Variants in NUP155 observed in about 807,000 individuals in gnomAD.
NUP155 encodes the protein nucleoporin 155.
In NUP155, 71 loss-of-function variants were observed where a neutral mutation model predicts 180.4. The ratio of observed to expected loss-of-function variants is 0.39; its 90% confidence interval spans 0.33 to 0.48. The LOEUF is 0.48. Ranked by LOEUF, NUP155 falls within the 20% of genes least tolerant of loss-of-function variation. NUP155 has a pLI of 0.91. For synonymous variants in NUP155, 582 were observed against 559.5 expected (o/e 1.04, Z -0.57); for missense variants, 1,553 against 1,648.9 (o/e 0.94, Z 1.01).
chr5:37,354,783 A>G (rs1190230493), intron 4 of NUP155, among the ~76,000 whole-genome samples: 1 of 151,706 alleles, frequency 6.6e-6, no homozygotes, highest in African/African-American at 2.4e-5. Context: ...ATGCAAGTAA[A>G]TAAATAGTGT....
Position 37,288,879 on chromosome 5 carries a change from C to G in NUP155, c.*3021G>C, listed in dbSNP as rs1007097502. 2 of 149,850 alleles carry G rather than the reference C, an allele frequency of 1.3e-5. No homozygotes were observed. The highest frequency in any genetic ancestry group is 5.0e-5 in the African/African-American group (2 of 40,194). 9.3% of individuals were successfully genotyped at this position (149,850 alleles called of 1,614,324 possible). A position where few individuals can be genotyped will look rare whatever the true frequency, so the allele number is the denominator to read the frequency against. The stretch of plus-strand genomic sequence containing the variant: ...AGGAGTTCAAGACCAGCCTGACCAA[C>G]ACGGTGAAACCCCATCTCTACTAAA... On this transcript the variant is annotated 3_prime_UTR_variant, in exon 35 of 35. Transcript: ENST00000231498.
intron 4 of NUP155, among the ~76,000 whole-genome samples, chr5:37,353,312 A>C (rs1236960338): frequency 6.6e-6 from 1 of 152,058 alleles, no homozygotes; most frequent in East Asian, 1.9e-4. Context: ...AAAAGTAAGA[A>C]AGTTGGCCGG....
chr5:37,366,473 T>C (rs1747590967), intron 1 of NUP155, among the ~76,000 whole-genome samples: 3 of 152,142 alleles, frequency 2.0e-5, no homozygotes, highest in Admixed American at 1.3e-4. Context: ...GGAGTCTCGC[T>C]CTGACGCCAA....
chr5:37,352,540 AAAAACAAAAC>A (rs545112182), intron 5 of NUP155, among the ~76,000 whole-genome samples, 187 bp downstream of exon 5: 16 of 152,122 alleles, frequency 1.1e-4, no homozygotes, highest in East Asian at 5.8e-4. Context: ...ATCCGTCTCA[AAAAACAAAAC>A]AAAACAAAAC....
At chr5:37,369,696 G>C (rs938241306) in intron 1 of NUP155, among the ~76,000 whole-genome samples, 1 of 152,144 alleles carries the variant, frequency 6.6e-6, no homozygotes, top group East Asian at 1.9e-4. Flanking sequence ...TCATTTCTTT[G>C]ATTACAAAGC....
intron 8 of NUP155, among the ~76,000 whole-genome samples, chr5:37,348,936 A>C (rs1254941789): frequency 6.6e-6 from 1 of 151,964 alleles, no homozygotes; most frequent in African/African-American, 2.4e-5. Context: ...TTGTATTTTT[A>C]GTAGAGGCAG....
chr5:37,295,679 G>A (rs867891484), intron 32 of NUP155, among the ~76,000 whole-genome samples: 12 of 150,566 alleles, frequency 8.0e-5, no homozygotes, highest in South Asian at 6.4e-4. Flanking sequence ...CTGAGATGTG[G>A]GGAGCGCCTC....
chr5:37,328,534 CTT>C, intron 16 of NUP155, 114 bp from the exon 17 acceptor site: 1 of 749,534 alleles, frequency 1.3e-6, no homozygotes, highest in South Asian at 1.5e-5. Context: ...GGCAGGGTCT[CTT>C]TCTGTGGCCC....
At chr5:37,315,918 A>G (rs532232626) in intron 21 of NUP155, among the ~76,000 whole-genome samples, 19 of 152,284 alleles carry the variant, frequency 1.2e-4, no homozygotes, top group African/African-American at 4.6e-4. Flanking sequence ...CCAGCCTGGG[A>G]GACAAGAGTG....
chr5:37,324,238 A>G, intron 19 of NUP155, 131 bp from the exon 20 acceptor site: 1 of 689,340 alleles, frequency 1.5e-6, no homozygotes, highest in East Asian at 2.7e-5. Context: ...GTTGATCCGA[A>G]TAAAGTATAC....
intron 21 of NUP155, among the ~76,000 whole-genome samples, chr5:37,314,912 A>G (rs938437173): frequency 3.3e-5 from 5 of 151,834 alleles, no homozygotes; most frequent in Admixed American, 3.3e-4. Context: ...ACTTGGGACA[A>G]AAGTAAATGG....
At chr5:37,349,025 G>A (rs1746288449) in intron 8 of NUP155, 147 bp downstream of exon 8, 2 of 328,190 alleles carry the variant, frequency 6.1e-6, no homozygotes, top group South Asian at 1.0e-4. Context: ...CAAAGTGCTG[G>A]GATTACAGGC....
At chr5:37,338,850 CA>C (rs1173889216) in intron 11 of NUP155, among the ~76,000 whole-genome samples, 41 of 151,944 alleles carry the variant, frequency 2.7e-4, no homozygotes, top group African/African-American at 9.2e-4. Flanking sequence ...CACATTTTAG[CA>C]TTTCTGAACT....
chr5:37,329,391 G>C, intron 15 of NUP155, 113 bp from the exon 16 acceptor site: 1 of 773,440 alleles, frequency 1.3e-6, no homozygotes. Context: ...AAACATTAGA[G>C]ACTTCAATGT....
chr5:37,322,247 A>G (rs1744292350), intron 20 of NUP155, among the ~76,000 whole-genome samples: 1 of 152,150 alleles, frequency 6.6e-6, no homozygotes, highest in Admixed American at 6.5e-5. Flanking sequence ...TTGGCTTTCC[A>G]AAGTGTTGGG....
Position 37,336,097 on chromosome 5 carries a change from T to C in NUP155, c.1347+1721A>G, listed in dbSNP as rs148867704. Among the ~76,000 whole-genome samples, 203 of 152,304 alleles carry C rather than the reference T, an allele frequency of 1.3e-3. 5 individuals are homozygous for C. In the East Asian group the frequency reaches 0.036, roughly 27 times the overall value. On this transcript the variant is annotated intron_variant, in intron 12 of 34. Coordinates refer to ENST00000231498, the MANE Select transcript of NUP155 (RefSeq NM_153485.3). ...ATCAAAGCTCATACACTATACTTGA[T>C]GAGTTTTTTTGTTAAAAACAAAAGT...
At chr5:37,333,668 T>G in intron 12 of NUP155, 35 bp from the exon 13 acceptor site, 1 of 1,551,906 alleles carries the variant, frequency 6.4e-7, no homozygotes, top group Non-Finnish European at 8.8e-7. Flanking sequence ...ATACATCATA[T>G]TGAAGTTACA....
intron 3 of NUP155, among the ~76,000 whole-genome samples, chr5:37,363,131 C>T (rs1462733011): frequency 3.9e-5 from 6 of 152,128 alleles, no homozygotes; most frequent in Admixed American, 3.3e-4. Context: ...AGGCTGGTCT[C>T]GGACTCCTGA....
At chr5:37,339,815 G>C (rs561889805) in intron 11 of NUP155, among the ~76,000 whole-genome samples, 18 of 152,208 alleles carry the variant, frequency 1.2e-4, no homozygotes, top group African/African-American at 4.3e-4. Flanking sequence ...CCATGCTAGA[G>C]TGCAGCGGTA....
Sources: gnomAD v4.1 joint callset for allele counts (sites outside exome capture counted in the v4.1 genomes callset) on GRCh38, gnomAD v4.1.1 for gene constraint, MANE v1.5 for transcripts, NCBI Gene and HGNC (gene_info 2026-07-23, HGNC 2026-07-21) for gene names.